The following ZNF420 variants were observed in gnomAD, a reference collection of about 807,000 sequenced individuals.
ZNF420 encodes the protein ATM and p53-associated KZNF protein.
ZNF420 carries 31 observed loss-of-function variants against 44.7 expected under a neutral mutation model. The observed-to-expected ratio is 0.69, with a 90% CI of 0.52 to 0.94. The LOEUF (loss-of-function observed/expected upper bound fraction) is 0.94, where lower values mean the gene tolerates loss of function less well. ZNF420 is among the 40% of genes least tolerant of loss of function. The pLI is 0.00. For synonymous variants in ZNF420, 245 were observed against 267.4 expected, an observed-to-expected ratio of 0.92 and a Z score of 0.82; for missense variants, 681 against 827.9, an observed-to-expected ratio of 0.82 and a Z score of 2.18.
intron 1 of ZNF420, among the ~76,000 whole-genome samples, chr19:37,059,617 C>A (rs1967832683): frequency 6.6e-6 from 1 of 152,084 alleles, no homozygotes; most frequent in Non-Finnish European, 1.5e-5. Flanking sequence ...CCTGCCCGGA[C>A]GTGTTAGGGT....
chr19:37,058,210 G>A (rs1967794084), intron 1 of ZNF420, among the ~76,000 whole-genome samples: 1 of 152,114 alleles, frequency 6.6e-6, no homozygotes, highest in Admixed American at 6.5e-5. Flanking sequence ...ACCTGTTTCT[G>A]GTTGATTCGG....
upstream of ZNF420, among the ~76,000 whole-genome samples, chr19:37,077,863 T>C (rs1355596817): frequency 6.6e-6 from 1 of 152,130 alleles, no homozygotes; most frequent in Non-Finnish European, 1.5e-5. Flanking sequence ...TACACAGTTA[T>C]AAAATCCCAT....
intron 4 of ZNF420, among the ~76,000 whole-genome samples, chr19:37,099,652 C>T (rs1217903054): frequency 3.3e-5 from 5 of 152,074 alleles, no homozygotes; most frequent in Non-Finnish European, 7.4e-5. Flanking sequence ...GAGATGGAGT[C>T]TCGCTCTGTC....
At chr19:37,057,834 G>A (rs574469504) in intron 1 of ZNF420, among the ~76,000 whole-genome samples, 2 of 152,270 alleles carry the variant, frequency 1.3e-5, no homozygotes, top group Admixed American at 6.5e-5. Flanking sequence ...GGAGCAGACC[G>A]ATGTCAAAGG....
intron 1 of ZNF420, among the ~76,000 whole-genome samples, chr19:37,038,813 C>G (rs1967402078): frequency 6.6e-6 from 1 of 151,916 alleles, no homozygotes; most frequent in Non-Finnish European, 1.5e-5. Flanking sequence ...CATGGAGAAG[C>G]CCCGTCTCTA....
chr19:37,095,140 A>AG, intron 4 of ZNF420, among the ~76,000 whole-genome samples: 1 of 152,182 alleles, frequency 6.6e-6, no homozygotes, highest in East Asian at 1.9e-4. Flanking sequence ...AAAAAAAAAA[A>AG]AAAAAAAGAA....
chr19:37,034,760 C>T (rs1311186567), intron 1 of ZNF420, among the ~76,000 whole-genome samples: 1 of 152,192 alleles, frequency 6.6e-6, no homozygotes, highest in East Asian at 1.9e-4. Flanking sequence ...AGTTCTCTAC[C>T]AATCCATCCT....
intron 1 of ZNF420, among the ~76,000 whole-genome samples, chr19:37,046,801 A>G (rs1000587378): frequency 4.6e-5 from 7 of 152,188 alleles, no homozygotes; most frequent in African/African-American, 1.4e-4. Flanking sequence ...GATTGATCCA[A>G]TTTTGTGCAC....
At chr19:37,120,187 CA>C (rs1970947692) in intron 4 of ZNF420, among the ~76,000 whole-genome samples, 2 of 152,138 alleles carry the variant, frequency 1.3e-5, no homozygotes, top group African/African-American at 4.8e-5. Context: ...AATTTTAGAC[CA>C]ATATTCCTGA....
At chr19:37,070,000 A>T (rs1288690023) in intron 1 of ZNF420, among the ~76,000 whole-genome samples, 1 of 152,166 alleles carries the variant, frequency 6.6e-6, no homozygotes, top group Non-Finnish European at 1.5e-5. Flanking sequence ...ATAAAGTCTC[A>T]AATAGATTTT....
Position 37,128,375 on chromosome 19 carries a change from C to A in ZNF420, c.1384C>A (p.Leu462Ile). 6.2e-7 allele frequency: 1 copy of A among 1,614,028 alleles called. No individual in the cohort carries two copies. The highest frequency in any genetic ancestry group is 8.5e-7 in the Non-Finnish European group (1 of 1,179,970). ...AAAAACCTTTAGTCGTGGCTCAGAA[C>A]TTACTCAACATGAGCGAATTCACAC... Reference protein sequence around the residue: ...CGKTFSRGSELTQHERIHTGE... With the variant: ...CGKTFSRGSEITQHERIHTGE... Residue 462 changes from leucine (L) to isoleucine (I), a missense_variant, in exon 5 of 5, where the codon CTT (leucine) becomes ATT (isoleucine). Around this residue, in one of 3 missense-constraint regions of ZNF420, gnomAD observed 280 missense variants for 338.6 expected, o/e 0.83. Coordinates refer to ENST00000337995, the MANE Select transcript of ZNF420 (RefSeq NM_144689.5).
intron 4 of ZNF420, among the ~76,000 whole-genome samples, chr19:37,126,018 G>C (rs1971328009): frequency 6.6e-6 from 1 of 152,120 alleles, no homozygotes; most frequent in South Asian, 2.1e-4. Context: ...AGAATCATAA[G>C]ACTTCTCTAA....
At position 37,091,010 on chromosome 19, in the gene ZNF420, AG is replaced by A. The variant is rs1369809199; in HGVS notation, c.28del (p.Asp10MetfsTer25). The A allele has an allele frequency of 6.2e-7, 1 of 1,612,984 alleles. No individual in the cohort carries two copies. Among genetic ancestry groups the A allele is most frequent in the South Asian group, 1.1e-5 (1 of 90,650 alleles). On this transcript the variant is annotated frameshift_variant, in exon 4 of 5. Transcript: ENST00000337995. LOFTEE classifies it high-confidence loss of function. ...GTTGTTTCAGAAATTAGTGATGTTCAGGGATGTTGCCATTGACTTCTCTCAG... is the reference window on the plus strand; with the variant it reads ...GTTGTTTCAGAAATTAGTGATGTTCAGGATGTTGCCATTGACTTCTCTCAG... MARKLVMF[R>X]DVAIDFSQEE...
At chr19:37,102,869 A>AAATCT (rs1473355749) in intron 4 of ZNF420, among the ~76,000 whole-genome samples, 1 of 152,174 alleles carries the variant, frequency 6.6e-6, no homozygotes, top group Non-Finnish European at 1.5e-5. Context: ...GATTTGTGCT[A>AAATCT]AATCTAATTT....
At chr19:37,025,832 A>G (rs1359803290) in intron 1 of ZNF420, among the ~76,000 whole-genome samples, 1 of 145,170 alleles carries the variant, frequency 6.9e-6, no homozygotes, top group Non-Finnish European at 1.5e-5. Context: ...GTTGGAGTAC[A>G]GTGGTGTGAA....
intron 4 of ZNF420, among the ~76,000 whole-genome samples, chr19:37,104,611 A>G (rs992815486): frequency 1.3e-5 from 2 of 152,150 alleles, no homozygotes; most frequent in African/African-American, 4.8e-5. Flanking sequence ...AACAGTGTAA[A>G]AGTGTTCCTG....
At position 37,089,073 on chromosome 19, in the gene ZNF420, T is replaced by C. The variant is rs753187138; in HGVS notation, c.-46T>C. The stretch of plus-strand genomic sequence containing the variant: ...CTCCAGACTCTGTGCTTTCCTAAGA[T>C]AGGAACCCAGAAGAGGACTGATCAT... On this transcript the variant is annotated 5_prime_UTR_variant, in exon 3 of 5. Coordinates refer to ENST00000337995, the MANE Select transcript of ZNF420 (RefSeq NM_144689.5). 13 of 1,602,084 alleles carry C rather than the reference T, an allele frequency of 8.1e-6. No homozygotes were observed. The African/African-American group carries it at 1.2e-4, about 15-fold the overall frequency.
intron 4 of ZNF420, among the ~76,000 whole-genome samples, chr19:37,122,841 A>G (rs1227426734): frequency 6.6e-6 from 1 of 152,134 alleles, no homozygotes; most frequent in East Asian, 1.9e-4. Flanking sequence ...GTAGCTTTAA[A>G]TGTTATTTCG....
intron 4 of ZNF420, among the ~76,000 whole-genome samples, chr19:37,098,740 ATT>A (rs1418427589): frequency 6.6e-6 from 1 of 152,164 alleles, no homozygotes; most frequent in Non-Finnish European, 1.5e-5. Context: ...CATTCAGGAC[ATT>A]TTTGTTGACT....
Sources: gnomAD v4.1 joint callset for allele counts (sites outside exome capture counted in the v4.1 genomes callset) on GRCh38, gnomAD v4.1.1 for gene constraint, gnomAD v4.1.1 regional missense constraint, MANE v1.5 for transcripts, NCBI Gene and HGNC (gene_info 2026-07-23, HGNC 2026-07-21) for gene names.